TLR2: variants seen among roughly 807,000 people sequenced by gnomAD.
The protein encoded by TLR2 is toll-like receptor 2.
A neutral mutation model predicts 9.1 loss-of-function variants in TLR2; 7 were observed. The ratio of observed to expected loss-of-function variants is 0.77; its 90% CI spans 0.44 to 1.44. TLR2 has a LOEUF of 1.44. Ranked by LOEUF, TLR2 falls within the 40% of genes most tolerant of loss-of-function variation. The pLI, the probability that TLR2 is intolerant of heterozygous loss-of-function variation, is 0.01. For missense variants in TLR2, 812 were observed against 904.6 expected, an observed-to-expected ratio of 0.90 and a Z score of 1.31; for synonymous variants, 317 against 344.6, an observed-to-expected ratio of 0.92 and a Z score of 0.89.
At chr4:153,684,527 A>G (rs950750878) in intron 1 of TLR2, among the ~76,000 whole-genome samples, 167 bp downstream of exon 1, 4 of 152,180 alleles carry the variant, frequency 2.6e-5, no homozygotes, top group Non-Finnish European at 4.4e-5. Flanking sequence ...GATAGCGGGA[A>G]GCGCACCAGG....
chr4:153,703,146 C>T lies in TLR2; in HGVS notation c.239C>T (p.Ala80Val), dbSNP rs745717192. The T allele has an allele frequency of 3.7e-6, 6 of 1,614,146 alleles. No individual in the cohort carries two copies. The Admixed American group carries it at 1.0e-4, about 27-fold the overall frequency. The change falls in exon 3 of 3, where the codon GCT becomes GTT. Residue 80 changes from alanine (A) to valine (V), a missense_variant. Ala to Val is a moderately conservative substitution (Grantham distance 64, BLOSUM62 0). Coordinates refer to ENST00000642700, the MANE Select transcript of TLR2 (RefSeq NM_001318789.2). ...CTACAGAGGTGTGTGAACCTCCAGG[C>T]TCTGGTGCTGACATCCAATGGAATT... ...SDLQRCVNLQALVLTSNGINT... is the reference protein window; with the variant it reads ...SDLQRCVNLQVLVLTSNGINT...
At chr4:153,696,932 G>T (rs4235232) in intron 2 of TLR2, among the ~76,000 whole-genome samples, 146,379 of 152,062 alleles carry the variant, frequency 0.96, 70,667 homozygotes, top group East Asian at 1. Context: ...GAAACAACTC[G>T]GAAAAGAAGG....
intron 2 of TLR2, 57 bp from the exon 3 acceptor site, chr4:153,702,829 AAGAATT>A (rs1737000637): frequency 7.5e-7 from 1 of 1,341,118 alleles, no homozygotes; most frequent in African/African-American, 1.5e-5. Context: ...AACATTTCTC[AAGAATT>A]AGAATTACGA....
rs574642301 is a variant in TLR2, at chr4:153,703,875, A to G, written c.968A>G (p.Tyr323Cys). ...CGGAGGCTGCATATTCCAAGGTTTTACTTATTTTATGATCTGAGCACTTTA... is the reference window on the plus strand; with the variant it reads ...CGGAGGCTGCATATTCCAAGGTTTTGCTTATTTTATGATCTGAGCACTTTA... ...TIRRLHIPRF[Y>C]LFYDLSTLYS... Residue 323 changes from tyrosine (Y) to cysteine (C), a missense_variant, in exon 3 of 3, where the codon TAC becomes TGC. Physicochemically the swap from Tyr to Cys is radical, Grantham distance 194. Transcript: ENST00000642700. The G allele has an allele frequency of 1.2e-6, 2 of 1,614,142 alleles. No homozygotes were observed. The highest frequency in any genetic ancestry group is 1.1e-5 in the South Asian group (1 of 91,078).
At chr4:153,698,196 T>C (rs1736638099) in intron 2 of TLR2, among the ~76,000 whole-genome samples, 1 of 152,160 alleles carries the variant, frequency 6.6e-6, no homozygotes, top group Non-Finnish European at 1.5e-5. Flanking sequence ...GGTAAGAATT[T>C]CCAGAACTCT....
At chr4:153,689,171 C>A (rs754845304) in intron 2 of TLR2, among the ~76,000 whole-genome samples, 1 of 152,130 alleles carries the variant, frequency 6.6e-6, no homozygotes, top group African/African-American at 2.4e-5. Flanking sequence ...TATGGAAAGA[C>A]AAGTTTGTAG....
In TLR2 at chr4:153,704,521, C is replaced by T. The variant is rs2127068559; in HGVS notation, c.1614C>T (p.Ser538=). The T allele has an allele frequency of 1.2e-6, 2 of 1,613,994 alleles. No homozygotes were observed. The highest frequency in any genetic ancestry group is 2.2e-5 in the East Asian group (1 of 44,884). The change falls in exon 3 of 3, where the codon TCC becomes TCT. Residue 538 remains serine, a synonymous_variant. Coordinates refer to ENST00000642700, the MANE Select transcript of TLR2 (RefSeq NM_001318789.2). ...CTGGTGGCAATAACTTCATTTGCTCCTGTGAATTCCTCTCCTTCACTCAGG... is the reference window on the plus strand; with the variant it reads ...CTGGTGGCAATAACTTCATTTGCTCTTGTGAATTCCTCTCCTTCACTCAGG... ...LEAGGNNFIC[S]CEFLSFTQEQ... is the part of the protein sequence containing the mutation.
downstream of TLR2, among the ~76,000 whole-genome samples, chr4:153,709,109 G>A (rs1318935257): frequency 6.6e-6 from 1 of 152,036 alleles, no homozygotes; most frequent in African/African-American, 2.4e-5. Flanking sequence ...GACACAATAA[G>A]TTCAAATAAC....
At chr4:153,702,798 G>A in intron 2 of TLR2, 94 bp from the exon 3 acceptor site, 2 of 722,290 alleles carry the variant, frequency 2.8e-6, no homozygotes, top group Non-Finnish European at 4.5e-6. Context: ...GTGTGTGTGT[G>A]TGTGTGTGTT....
At chr4:153,701,241 A>T (rs1353389534) in intron 2 of TLR2, among the ~76,000 whole-genome samples, 6 of 152,210 alleles carry the variant, frequency 3.9e-5, no homozygotes, top group Non-Finnish European at 2.9e-5. Context: ...GTGGGAAGTG[A>T]CTAAGTCATG....
intron 2 of TLR2, among the ~76,000 whole-genome samples, chr4:153,695,210 T>A (rs1171530246): frequency 6.6e-6 from 1 of 152,188 alleles, no homozygotes. Flanking sequence ...TGCTGGATTG[T>A]GTGGTAGCTC....
chr4:153,692,114 G>T (rs1390578823), intron 2 of TLR2, among the ~76,000 whole-genome samples: 1 of 152,130 alleles, frequency 6.6e-6, no homozygotes, highest in Non-Finnish European at 1.5e-5. Context: ...TTAGTATGCT[G>T]CAGGTTTTTT....
chr4:153,693,344 T>C (rs889529036), intron 2 of TLR2, among the ~76,000 whole-genome samples: 1 of 152,234 alleles, frequency 6.6e-6, no homozygotes, highest in African/African-American at 2.4e-5. Flanking sequence ...TTAAATTCTT[T>C]GAGTAATTTA....
intron 1 of TLR2, among the ~76,000 whole-genome samples, chr4:153,686,511 G>A (rs1254482935): frequency 1.3e-5 from 2 of 152,058 alleles, no homozygotes; most frequent in African/African-American, 4.8e-5. Flanking sequence ...ATACTAAAAG[G>A]TATAAAGTGA....
intron 1 of TLR2, 118 bp from the exon 2 acceptor site, chr4:153,687,783 TA>T (rs1302909423): frequency 3.9e-5 from 6 of 152,236 alleles, no homozygotes. Flanking sequence ...GTTTGGCCTA[TA>T]AAAGCTCACT....
In TLR2 at chr4:153,703,752, T is replaced by TA. The variant is rs1182155130; in HGVS notation, c.846dup (p.Glu283ArgfsTer3). On this transcript the variant is annotated frameshift_variant, in exon 3 of 3. Coordinates refer to ENST00000642700, the MANE Select transcript of TLR2 (RefSeq NM_001318789.2). LOFTEE classifies it low-confidence loss of function (END_TRUNC). The stretch of plus-strand genomic sequence containing the variant: ...AATCAGATTTCTGGATTGTTAGAAT[T>TA]AGAGTTTGATGACTGTACCCTTAAT... The TA allele has an allele frequency of 3.7e-6, 6 of 1,613,894 alleles. No homozygotes were observed. The highest frequency in any genetic ancestry group is 5.1e-6 in the Non-Finnish European group (6 of 1,180,008).
intron 2 of TLR2, chr4:153,701,574 G>A (rs1578997046): frequency 6.6e-6 from 1 of 152,108 alleles, no homozygotes; most frequent in East Asian, 1.9e-4. Context: ...AGAAGCTTTT[G>A]GAGATGATGA....
At chr4:153,691,553 G>A (rs528843607) in intron 2 of TLR2, among the ~76,000 whole-genome samples, 2 of 152,292 alleles carry the variant, frequency 1.3e-5, no homozygotes, top group East Asian at 3.9e-4. Flanking sequence ...AGCAAATCTA[G>A]GGTCTTTTTT....
At position 153,687,949 on chromosome 4, in the gene TLR2, C is replaced by G. The variant is rs540892616; in HGVS notation, c.-115C>G. 2 of 152,284 alleles carry G rather than the reference C, an allele frequency of 1.3e-5. No individual in the cohort carries two copies. The highest frequency in any genetic ancestry group is 4.1e-4 in the South Asian group (2 of 4,826). The allele number at this position is 152,284 out of a possible 1,614,324, so 9.4% of individuals were successfully genotyped here. ...TGTTGCAAGCAGGATCCAAAGGAGACCTATAGTGACTCCCAGGAGCTCTTA... is the reference window on the plus strand; with the variant it reads ...TGTTGCAAGCAGGATCCAAAGGAGAGCTATAGTGACTCCCAGGAGCTCTTA... On this transcript the variant is annotated 5_prime_UTR_variant, in exon 2 of 3. Coordinates refer to ENST00000642700, the MANE Select transcript of TLR2 (RefSeq NM_001318789.2).
Sources: gnomAD v4.1 joint callset for allele counts (sites outside exome capture counted in the v4.1 genomes callset) on GRCh38, gnomAD v4.1.1 for gene constraint, MANE v1.5 for transcripts, NCBI Gene and HGNC (gene_info 2026-07-23, HGNC 2026-07-21) for gene names.